The following ITIH5 variants were observed in gnomAD, a reference collection of about 807,000 sequenced individuals.
The protein encoded by ITIH5 is inter-alpha-trypsin inhibitor heavy chain H5.
Under a neutral mutation model 77.5 loss-of-function variants are expected in ITIH5, and 65 were observed. That is an observed-to-expected ratio of 0.84 (90% CI 0.69 to 1.03). The LOEUF (loss-of-function observed/expected upper bound fraction) is 1.03, where lower values mean the gene tolerates loss of function less well. ITIH5 is among the 50% of genes least tolerant of loss of function. The pLI, the probability that ITIH5 is intolerant of heterozygous loss-of-function variation, is 0.00. For missense variants in ITIH5, 1,208 were observed against 1,213.1 expected (o/e 1.00, Z 0.06); for synonymous variants, 525 against 494.3 (o/e 1.06, Z -0.82).
intron 1 of ITIH5, among the ~76,000 whole-genome samples, chr10:7,658,791 CA>C (rs1834229583): frequency 6.6e-6 from 1 of 152,234 alleles, no homozygotes; most frequent in African/African-American, 2.4e-5. Flanking sequence ...AAAATTTTAT[CA>C]TGCAGATGAA....
intron 11 of ITIH5, chr10:7,572,409 T>C (rs374394997): frequency 6.1e-5 from 83 of 1,362,686 alleles, no homozygotes; most frequent in Non-Finnish European, 8.1e-5. Context: ...CTGAAAAAAA[T>C]GAAAACAAAA....
chr10:7,577,041 G>T (rs1428437927), intron 9 of ITIH5, 29 bp from the exon 10 acceptor site: 2 of 1,570,482 alleles, frequency 1.3e-6, no homozygotes, highest in Admixed American at 3.5e-5. Flanking sequence ...GAGGGAGGGA[G>T]ATCAGGGCCC....
intron 2 of ITIH5, among the ~76,000 whole-genome samples, chr10:7,644,752 C>T (rs28684880): frequency 0.67 from 80,906 of 120,948 alleles, 27,004 homozygotes; most frequent in South Asian, 0.74. Flanking sequence ...ATATATATCA[C>T]ATATATCACA....
rs376367957 is a variant in ITIH5 at position 7,617,234 on chromosome 10, A to C, written c.701T>G (p.Phe234Cys). 15 of 1,599,912 alleles carry C rather than the reference A, an allele frequency of 9.4e-6. No individual in the cohort carries two copies. Among genetic ancestry groups the C allele is most frequent in the Non-Finnish European group, 1.3e-5 (15 of 1,174,116 alleles). The change falls in exon 6 of 14, where the codon TTT (phenylalanine) becomes TGT (cysteine). Residue 234 changes from phenylalanine (F) to cysteine (C), a missense_variant. By Grantham distance (205) the Phe-to-Cys change is radical. Coordinates refer to ENST00000397146, the MANE Select transcript of ITIH5 (RefSeq NM_030569.7). ...PSTVINQNET[F>C]ANIIFKPTVV... ...AGTAGGTTTAAAAATTATGTTGGCA[A>C]ATGTTTCATTTTGGTTAATGACAGT... is the stretch of plus-strand genomic sequence containing the variant.
At chr10:7,566,983 C>T (rs926554678) in intron 12 of ITIH5, among the ~76,000 whole-genome samples, 37 of 151,816 alleles carry the variant, frequency 2.4e-4, no homozygotes, top group African/African-American at 7.8e-4. Context: ...CTCCTTTGGG[C>T]TTATCTTTGT....
chr10:7,583,031 G>C (rs1054384229), intron 8 of ITIH5, among the ~76,000 whole-genome samples: 4 of 152,094 alleles, frequency 2.6e-5, no homozygotes, highest in Non-Finnish European at 5.9e-5. Flanking sequence ...TTGAGGTGAT[G>C]GATATCTCAT....
intron 5 of ITIH5, among the ~76,000 whole-genome samples, chr10:7,629,628 T>C (rs112148198): frequency 0.046 from 6,178 of 133,286 alleles, 216 homozygotes; most frequent in South Asian, 0.076. Context: ...AGCGTGTGTC[T>C]GTGTTGTGGC....
intron 8 of ITIH5, among the ~76,000 whole-genome samples, chr10:7,581,071 C>A (rs77607874): frequency 0.034 from 5,170 of 152,078 alleles, 111 homozygotes; most frequent in Non-Finnish European, 0.054. Flanking sequence ...ACCAGCCTCG[C>A]TAACATGGCA....
intron 8 of ITIH5, among the ~76,000 whole-genome samples, chr10:7,582,396 C>T (rs1362248878): frequency 6.6e-6 from 1 of 152,132 alleles, no homozygotes; most frequent in Non-Finnish European, 1.5e-5. Context: ...AAGCTACCAA[C>T]ATCCCACCAT....
intron 2 of ITIH5, among the ~76,000 whole-genome samples, chr10:7,644,395 T>C (rs1191814722): frequency 2.1e-5 from 3 of 145,652 alleles, no homozygotes; most frequent in Non-Finnish European, 4.5e-5. Context: ...ATCACATATA[T>C]CACATATATC....
Position 7,562,542 on chromosome 10 carries a change from G to A in ITIH5, c.*541C>T, listed in dbSNP as rs1336478641. ...CATGGTTTACAACGATCAAATGTAT[G>A]GGCTATTTGCCTGATTGGTGGCCTG... On this transcript the variant is annotated 3_prime_UTR_variant, in exon 14 of 14. Coordinates refer to ENST00000397146, the MANE Select transcript of ITIH5 (RefSeq NM_030569.7). 6.4e-6 allele frequency: 1 copy of A among 155,724 alleles called. No individual in the cohort carries two copies. Among genetic ancestry groups the A allele is most frequent in the African/African-American group, 2.4e-5 (1 of 41,466 alleles). 9.6% of individuals were successfully genotyped at this position (155,724 alleles called of 1,614,324 possible).
rs1012433917 is a variant in ITIH5 at position 7,579,408 on chromosome 10, C to T, written c.1418+347G>A. Among the ~76,000 whole-genome samples, 4 of 152,198 alleles carry T rather than the reference C, an allele frequency of 2.6e-5. No individual in the cohort carries two copies. The South Asian group carries it at 6.2e-4, about 24-fold the overall frequency. On this transcript the variant is annotated intron_variant, in intron 9 of 13. Transcript: ENST00000397146. ...GGCGTGGTGGTGTGTGACTGTAGTCCCAGCTACTCAGGAGGCTGAGGCAAG... is the reference window on the plus strand; with the variant it reads ...GGCGTGGTGGTGTGTGACTGTAGTCTCAGCTACTCAGGAGGCTGAGGCAAG...
At chr10:7,598,077 C>T (rs1832942887) in intron 7 of ITIH5, among the ~76,000 whole-genome samples, 1 of 152,060 alleles carries the variant, frequency 6.6e-6, no homozygotes, top group Admixed American at 6.6e-5. Flanking sequence ...ACTCCATTGA[C>T]TATAGTGTAA....
intron 7 of ITIH5, 73 bp from the exon 8 acceptor site, chr10:7,586,142 C>A: frequency 7.6e-7 from 1 of 1,321,390 alleles, no homozygotes. Flanking sequence ...CTAGAAACCG[C>A]CCCCGCCCCC....
At chr10:7,607,478 T>G (rs996913720) in intron 7 of ITIH5, among the ~76,000 whole-genome samples, 1 of 152,276 alleles carries the variant, frequency 6.6e-6, no homozygotes, top group Non-Finnish European at 1.5e-5. Flanking sequence ...AGACCCTGTC[T>G]CTACAGAAAG....
At position 7,561,587 on chromosome 10, in the gene ITIH5, A is replaced by C. The variant is rs535887380; in HGVS notation, c.*1496T>G. ...TGTGGTGGGTTCACGAAGCAGAGAG[A>C]GACGAGCCCAGATAGTCCCCCAGCG... On this transcript the variant is annotated 3_prime_UTR_variant, in exon 14 of 14. Transcript: ENST00000397146. The C allele has an allele frequency of 2.0e-5, 3 of 152,418 alleles. No homozygotes were observed. The highest frequency in any genetic ancestry group is 2.0e-4 in the Admixed American group (3 of 15,302). 9.4% of individuals were successfully genotyped at this position (152,418 alleles called of 1,614,324 possible). A position where few individuals can be genotyped will look rare whatever the true frequency, so the allele number is the denominator to read the frequency against.
At chr10:7,579,043 T>C (rs1413635035) in intron 9 of ITIH5, among the ~76,000 whole-genome samples, 1 of 152,228 alleles carries the variant, frequency 6.6e-6, no homozygotes, top group Non-Finnish European at 1.5e-5. Flanking sequence ...AAAAGTAAAC[T>C]TACTAGAAAG....
chr10:7,616,321 G>C (rs187979815), intron 6 of ITIH5, among the ~76,000 whole-genome samples: 1 of 152,246 alleles, frequency 6.6e-6, no homozygotes, highest in Non-Finnish European at 1.5e-5. Flanking sequence ...AAATTGATCA[G>C]TGATGACTAC....
At chr10:7,629,773 C>G (rs1048502134) in intron 5 of ITIH5, among the ~76,000 whole-genome samples, 2 of 152,196 alleles carry the variant, frequency 1.3e-5, no homozygotes, top group African/African-American at 2.4e-5. Flanking sequence ...AATACTGCTA[C>G]TGTAGACATT....
Sources: allele counts gnomAD v4.1 joint callset (sites outside exome capture counted in the v4.1 genomes callset), GRCh38; gene constraint gnomAD v4.1.1; transcripts MANE v1.5; gene names NCBI Gene and HGNC (gene_info 2026-07-23, HGNC 2026-07-21).